The following ANK2 variants were observed in gnomAD, a reference collection of about 807,000 sequenced individuals.
ANK2 encodes ankyrin 2.
Under a neutral mutation model 360.5 loss-of-function variants are expected in ANK2, and 83 were observed. That is an observed-to-expected ratio of 0.23 (90% CI 0.19 to 0.28). The LOEUF is 0.28. Among genes scored for constraint, ANK2 ranks in the 10% least tolerant of loss-of-function variants. The pLI is 1.00. For missense variants in ANK2, 4,201 were observed against 4,795.7 expected, an observed-to-expected ratio of 0.88 and a Z score of 3.66; for synonymous variants, 1,740 against 1,759.5, an observed-to-expected ratio of 0.99 and a Z score of 0.28.
the ANK2 span, among the ~76,000 whole-genome samples, chr4:112,757,513 A>T: frequency 6.6e-6 from 1 of 152,344 alleles, no homozygotes; most frequent in South Asian, 2.1e-4. Context: ...GGTATTTTAC[A>T]CACATTAATT....
chr4:112,779,977 C>T, the ANK2 span, among the ~76,000 whole-genome samples: 2 of 152,146 alleles, frequency 1.3e-5, no homozygotes, highest in African/African-American at 2.4e-5. Context: ...AATCCTAGCA[C>T]TTTGGGAGGC....
chr4:112,880,444 C>G (rs1055172195), intron 1 of ANK2: 10 of 152,188 alleles, frequency 6.6e-5, no homozygotes, highest in African/African-American at 2.4e-4. Context: ...GCGAACACTT[C>G]TATCTATTGA....
chr4:113,315,702 T>A (rs916571161), intron 24 of ANK2, among the ~76,000 whole-genome samples: 1 of 151,928 alleles, frequency 6.6e-6, no homozygotes. Flanking sequence ...ATCGAGACCA[T>A]CCTGGCTAAC....
At chr4:113,174,802 G>A (rs2098131383) in intron 2 of ANK2, among the ~76,000 whole-genome samples, 1 of 152,052 alleles carries the variant, frequency 6.6e-6, no homozygotes, top group Non-Finnish European at 1.5e-5. Context: ...CAAGAATGAT[G>A]TTTTACTTCT....
chr4:112,910,957 CTT>C (rs1163828806), intron 2 of ANK2, among the ~76,000 whole-genome samples: 4,901 of 125,014 alleles, frequency 0.039, 131 homozygotes, highest in African/African-American at 0.08. Flanking sequence ...TATTATTTGC[CTT>C]TTTTTTTTTT....
intron 4 of ANK2, among the ~76,000 whole-genome samples, chr4:113,207,808 G>T (rs1425176030): frequency 1.3e-5 from 2 of 152,096 alleles, no homozygotes; most frequent in African/African-American, 4.8e-5. Context: ...GGCATCCAGT[G>T]TGTGCCCTCG....
upstream of ANK2, among the ~76,000 whole-genome samples, chr4:112,813,172 AG>A (rs1457472865): frequency 6.7e-6 from 1 of 149,032 alleles, no homozygotes; most frequent in Non-Finnish European, 1.5e-5. Context: ...CGGGAGGTAG[AG>A]GTTGTGGTGA....
chr4:112,978,844 C>G (rs1044580956), intron 2 of ANK2, among the ~76,000 whole-genome samples: 4 of 152,168 alleles, frequency 2.6e-5, no homozygotes. Flanking sequence ...AGTCATTTGA[C>G]CTTTTTACTC....
chr4:112,709,251 T>A, the ANK2 span, among the ~76,000 whole-genome samples: 78 of 152,230 alleles, frequency 5.1e-4, no homozygotes, highest in Non-Finnish European at 7.8e-4. Context: ...AAATTAGTTA[T>A]GAAAATAGAT....
At position 113,241,799 on chromosome 4, in the gene ANK2, T is replaced by C. The variant is rs147013413; in HGVS notation, c.793-312T>C. 1.2e-4 allele frequency among the ~76,000 whole-genome samples: 18 copies of C among 152,310 alleles called. No individual in the cohort carries two copies. The East Asian group carries it at 3.5e-3, about 29-fold the overall frequency. ...ACACTAGGGCCCTATCTTAGGTAGA[T>C]TTAAAATTTTTGTTTCTATTACAGT... On this transcript the variant is annotated intron_variant, in intron 8 of 45. Transcript: ENST00000357077.
intron 2 of ANK2, among the ~76,000 whole-genome samples, chr4:113,176,146 G>A (rs764682192): frequency 2.0e-5 from 3 of 152,114 alleles, no homozygotes; most frequent in Admixed American, 2.0e-4. Context: ...TTGGTCCTTT[G>A]TGTCAACCCT....
chr4:112,715,280 A>G, the ANK2 span, among the ~76,000 whole-genome samples: 3 of 152,152 alleles, frequency 2.0e-5, no homozygotes, highest in African/African-American at 7.2e-5. Context: ...CTAGCCTTAG[A>G]AATCACAGGT....
At chr4:112,896,451 A>G (rs1266946511) in intron 1 of ANK2, among the ~76,000 whole-genome samples, 3 of 152,204 alleles carry the variant, frequency 2.0e-5, no homozygotes, top group Non-Finnish European at 2.9e-5. Flanking sequence ...TGGAAACAAA[A>G]TAGAAACCAT....
chr4:113,109,552 T>A (rs1020882115), intron 1 of ANK2, among the ~76,000 whole-genome samples: 1 of 152,178 alleles, frequency 6.6e-6, no homozygotes, highest in Non-Finnish European at 1.5e-5. Flanking sequence ...CTGTGCACCT[T>A]GTGTGGACAT....
At chr4:113,367,315 A>T (rs757946000) in intron 41 of ANK2, among the ~76,000 whole-genome samples, 4 of 151,718 alleles carry the variant, frequency 2.6e-5, no homozygotes, top group African/African-American at 7.3e-5. Flanking sequence ...GTGCTCCCAC[A>T]CTCATTGACT....
intron 1 of ANK2, among the ~76,000 whole-genome samples, chr4:113,167,072 A>G (rs2097775883): frequency 1.3e-5 from 2 of 152,198 alleles, no homozygotes; most frequent in African/African-American, 4.8e-5. Context: ...TATACAATAC[A>G]AATTTCATTA....
chr4:113,129,653 AC>A (rs1327007710), intron 1 of ANK2, among the ~76,000 whole-genome samples: 3 of 152,106 alleles, frequency 2.0e-5, no homozygotes, highest in African/African-American at 4.8e-5. Context: ...ATACCAGAAA[AC>A]TATTTTGTTC....
At position 113,356,462 on chromosome 4, in the gene ANK2, C is replaced by T; in HGVS notation, c.7844C>T (p.Pro2615Leu). 1 of 1,614,040 alleles carries T rather than the reference C, an allele frequency of 6.2e-7. No individual in the cohort carries two copies. Among genetic ancestry groups the T allele is most frequent in the East Asian group, 2.2e-5 (1 of 44,876 alleles). ...AKQKRDYKKE[P>L]KQEESSSSSD... ...CAGAAAAGGGACTACAAAAAAGAAC[C>T]CAAACAAGAAGAATCTTCTTCATCT... is the stretch of plus-strand genomic sequence containing the variant. Residue 2615 changes from proline (P) to leucine (L), a missense_variant, in exon 38 of 46, where the codon CCC becomes CTC. By Grantham distance (98) the Pro-to-Leu change is moderately conservative. Around this residue, in one of 4 missense-constraint regions of ANK2, gnomAD observed 2,642 missense variants for 2,714.5 expected, o/e 0.97. Transcript: ENST00000357077.
intron 2 of ANK2, among the ~76,000 whole-genome samples, chr4:112,985,976 C>G (rs1257899775): frequency 6.9e-6 from 1 of 145,838 alleles, no homozygotes; most frequent in Non-Finnish European, 1.5e-5. Context: ...CCCCCAAAAT[C>G]TATGGAAATA....
Sources: allele counts gnomAD v4.1 joint callset (sites outside exome capture counted in the v4.1 genomes callset), GRCh38; gene constraint gnomAD v4.1.1; regional missense constraint gnomAD v4.1.1; transcripts MANE v1.5; gene names NCBI Gene and HGNC (gene_info 2026-07-23, HGNC 2026-07-21).